The following PKD1L3 variants were observed in gnomAD, a reference collection of about 807,000 sequenced individuals.
PKD1L3 encodes polycystin 1 like 3, transient receptor potential channel interacting.
A neutral mutation model predicts 184.1 loss-of-function variants in PKD1L3; 239 were observed. That is an observed-to-expected ratio of 1.30 (90% confidence interval 1.17 to 1.45). The LOEUF is 1.45. PKD1L3 is among the 40% of genes most tolerant of loss of function. The probability of loss-of-function intolerance (pLI) is 0.00; values close to 1 mark genes in which losing one functional copy is unlikely to be tolerated. For synonymous variants in PKD1L3, 996 were observed against 778.8 expected, an observed-to-expected ratio of 1.28 and a Z score of -4.64; for missense variants, 2,660 against 2,067.2, an observed-to-expected ratio of 1.29 and a Z score of -5.56.
intron 24 of PKD1L3, among the ~76,000 whole-genome samples, chr16:71,939,411 G>A (rs2038287001): frequency 6.6e-6 from 1 of 152,216 alleles, no homozygotes; most frequent in South Asian, 2.1e-4. Context: ...AGAAGGTGCT[G>A]CCGGCCACAG....
chr16:72,000,044 T>G lies in PKD1L3; in HGVS notation c.-66A>C. The G allele has an allele frequency of 8.1e-7, 1 of 1,231,130 alleles. No homozygotes were observed. Among genetic ancestry groups the G allele is most frequent in the Non-Finnish European group, 1.1e-6 (1 of 910,984 alleles). The allele number at this position is 1,231,130 out of a possible 1,614,324, so 76.3% of individuals were successfully genotyped here. A position where few individuals can be genotyped will look rare whatever the true frequency, so the allele number is the denominator to read the frequency against. On this transcript the variant is annotated 5_prime_UTR_variant, in exon 1 of 30. Transcript: ENST00000620267. ...AGCTGCCTGGTCCTTTAAATATATATATTGGCGGGCTTGTCTTATTAGTAT... is the reference window on the plus strand; with the variant it reads ...AGCTGCCTGGTCCTTTAAATATATAGATTGGCGGGCTTGTCTTATTAGTAT...
In PKD1L3 at chr16:71,986,486, T is replaced by G. The variant is rs1419961406; in HGVS notation, c.586-17A>C. 5.2e-6 allele frequency: 8 copies of G among 1,543,026 alleles called. No homozygotes were observed. The highest frequency in any genetic ancestry group is 7.0e-6 in the Non-Finnish European group (8 of 1,142,042). ...GGTCTTGGACTAAAAGATAAAAATA[T>G]GTAAAGGAAAAGACTGAATCTGATT... On this transcript the variant is annotated splice_polypyrimidine_tract_variant and intron_variant, in intron 4 of 29. Transcript: ENST00000620267.
rs182220487 is a variant in PKD1L3 at position 71,934,083 on chromosome 16, C to G, written c.4656G>C (p.Ala1552=). Residue 1552 remains alanine (A), a synonymous_variant, in exon 27 of 30, where the codon GCG becomes GCC. Transcript: ENST00000620267. The stretch of plus-strand genomic sequence containing the variant: ...GAACCGGGAAGCCCACAAGGTGAGT[C>G]GCAGCAGAGTTCACTTTTACTGCCT... ...FYEAVKVNSA[A]THLVGFPVLL... 129 of 1,551,906 alleles carry G rather than the reference C, an allele frequency of 8.3e-5. 1 individual carries two copies. The South Asian group carries it at 1.5e-3, about 17-fold the overall frequency.
intron 11 of PKD1L3, among the ~76,000 whole-genome samples, chr16:71,976,034 G>A (rs544199691): frequency 1.3e-5 from 2 of 151,128 alleles, no homozygotes; most frequent in East Asian, 3.9e-4. Flanking sequence ...TGCAACCTCT[G>A]CCTCCTGGGT....
At chr16:71,996,832 G>C (rs2143903997) in intron 2 of PKD1L3, among the ~76,000 whole-genome samples, 1 of 152,230 alleles carries the variant, frequency 6.6e-6, no homozygotes, top group African/African-American at 2.4e-5. Flanking sequence ...ATTCACTTTG[G>C]GTAGGAGTAT....
chr16:71,939,893 A>C (rs1018081474), intron 24 of PKD1L3, among the ~76,000 whole-genome samples: 1 of 152,196 alleles, frequency 6.6e-6, no homozygotes, highest in Non-Finnish European at 1.5e-5. Context: ...ATAGATGAAG[A>C]AAAGGAGGGC....
intron 28 of PKD1L3, 123 bp from the exon 29 acceptor site, chr16:71,930,306 A>ATCCCT: frequency 1.0e-6 from 1 of 1,001,812 alleles, no homozygotes; most frequent in Non-Finnish European, 1.4e-6. Context: ...AAACTTAGGG[A>ATCCCT]GAGAGTCAAA....
At chr16:71,979,010 A>T (rs940600468) in intron 9 of PKD1L3, among the ~76,000 whole-genome samples, 3 of 152,228 alleles carry the variant, frequency 2.0e-5, no homozygotes, top group Non-Finnish European at 2.9e-5. Flanking sequence ...TTTTACTAGG[A>T]AGTAACTGTT....
chr16:71,959,928 G>C (rs1170783997), intron 16 of PKD1L3, among the ~76,000 whole-genome samples: 2 of 152,212 alleles, frequency 1.3e-5, no homozygotes, highest in Middle Eastern at 3.4e-3. Flanking sequence ...GAACTAGCTT[G>C]GGCAACATGG....
intron 7 of PKD1L3, among the ~76,000 whole-genome samples, chr16:71,981,648 C>G (rs1349188066): frequency 1.3e-5 from 2 of 149,932 alleles, no homozygotes; most frequent in East Asian, 4.0e-4. Flanking sequence ...TCAAGCGATT[C>G]TCCTGCCTCA....
chr16:71,945,303 TATACACACACACACACAC>T (rs1219062520), intron 22 of PKD1L3, among the ~76,000 whole-genome samples: 1,020 of 50,838 alleles, frequency 0.02, 3 homozygotes, highest in East Asian at 0.069. Flanking sequence ...TATATATATA[TATACACACACACACACAC>T]ATATATACAC....
rs1469603696 is a variant in PKD1L3, at chr16:71,949,878, A to C, written c.3523T>G (p.Tyr1175Asp). 1 of 1,551,686 alleles carries C rather than the reference A, an allele frequency of 6.4e-7. No individual in the cohort carries two copies. Among genetic ancestry groups the C allele is most frequent in the East Asian group, 2.4e-5 (1 of 40,918 alleles). ...SLASAFFTALYSLELSKDQAT... is the reference protein window; with the variant it reads ...SLASAFFTALDSLELSKDQAT... ...TGGTCTTTGCTCAATTCCAAGCTAT[A>C]AAGTGCTGTAAAAAAGGCTGAAGCC... Residue 1175 changes from tyrosine (Y) to aspartate (D), a missense_variant, in exon 21 of 30, where the codon TAT becomes GAT. Coordinates refer to ENST00000620267, the MANE Select transcript of PKD1L3 (RefSeq NM_181536.2).
chr16:71,958,654 G>A (rs1013841003), intron 16 of PKD1L3, among the ~76,000 whole-genome samples: 10 of 150,594 alleles, frequency 6.6e-5, no homozygotes, highest in South Asian at 2.1e-4. Flanking sequence ...GGTGGTGGGC[G>A]CCTGTAATCC....
chr16:71,942,469 T>C lies in PKD1L3; in HGVS notation c.4324+91A>G, dbSNP rs1429547043. 3 of 1,140,658 alleles carry C rather than the reference T, an allele frequency of 2.6e-6. No individual in the cohort carries two copies. In the Admixed American group the frequency reaches 7.6e-5, roughly 29 times the overall value. The allele number at this position is 1,140,658 out of a possible 1,614,324, so 70.7% of individuals were successfully genotyped here. ...CCTCTCTTGTACTCTTCCAGGAAGT[T>C]ACCTTCAATGAAACCACATTCCTGG... On this transcript the variant is annotated intron_variant, in intron 24 of 29. Coordinates refer to ENST00000620267, the MANE Select transcript of PKD1L3 (RefSeq NM_181536.2).
chr16:71,967,204 A>G lies in PKD1L3; in HGVS notation c.2398T>C (p.Trp800Arg). The part of the protein sequence containing the change: ...GGLDVFLLTT[W>R]TSLGNLHSLR... ...CTGTGCAGGTTCCCTAGAGAGGTCC[A>G]AGTGGTGAGAAGGAAGACATCCAGG... is the stretch of plus-strand genomic sequence containing the variant. Residue 800 changes from tryptophan to arginine, a missense_variant, in exon 15 of 30, where the codon TGG becomes CGG. Transcript: ENST00000620267. 6.4e-7 allele frequency: 1 copy of G among 1,551,724 alleles called. No homozygotes were observed. The highest frequency in any genetic ancestry group is 8.7e-7 in the Non-Finnish European group (1 of 1,146,972).
Position 71,951,700 on chromosome 16 carries a change from G to A in PKD1L3, c.3054C>T (p.Tyr1018=). The change falls in exon 19 of 30, where the codon TAC becomes TAT. Residue 1018 remains tyrosine, a synonymous_variant. Coordinates refer to ENST00000620267, the MANE Select transcript of PKD1L3 (RefSeq NM_181536.2). ...TVRFLLRRNT[Y]LLSKCEQPPW... is the part of the protein sequence containing the mutation. ...GCGGCTGCTCACACTTGGAGAGTAGGTATGTATTTCTCCTGAGCAGGAATC... is the reference window on the plus strand; with the variant it reads ...GCGGCTGCTCACACTTGGAGAGTAGATATGTATTTCTCCTGAGCAGGAATC... The A allele has an allele frequency of 3.2e-6, 5 of 1,551,648 alleles. No homozygotes were observed. Among genetic ancestry groups the A allele is most frequent in the African/African-American group, 1.4e-5 (1 of 73,154 alleles).
intron 11 of PKD1L3, among the ~76,000 whole-genome samples, chr16:71,976,648 G>A (rs2143689170): frequency 1.3e-5 from 2 of 152,286 alleles, no homozygotes; most frequent in African/African-American, 4.8e-5. Context: ...GCCACATGAA[G>A]TAGCTCATGT....
chr16:71,937,160 A>G (rs2038208787), intron 25 of PKD1L3, 132 bp downstream of exon 25: 4 of 892,742 alleles, frequency 4.5e-6, no homozygotes, highest in Non-Finnish European at 6.6e-6. Context: ...GGCTCAAGCA[A>G]TTCTCACATC....
chr16:71,991,872 C>A (rs566435714), intron 3 of PKD1L3, among the ~76,000 whole-genome samples: 3 of 152,208 alleles, frequency 2.0e-5, no homozygotes, highest in Non-Finnish European at 4.4e-5. Flanking sequence ...GCCTGGAGTG[C>A]GGTATGGCTC....
Sources: allele counts gnomAD v4.1 joint callset (sites outside exome capture counted in the v4.1 genomes callset), GRCh38; gene constraint gnomAD v4.1.1; transcripts MANE v1.5; gene names NCBI Gene and HGNC (gene_info 2026-07-23, HGNC 2026-07-21).